Variants in OR1B1 observed in about 807,000 individuals in gnomAD.
OR1B1 encodes the protein olfactory receptor family 1 subfamily B member 1.
For synonymous variants in OR1B1, 168 were observed against 156.2 expected (o/e 1.08, Z -0.57); for missense variants, 414 against 402.1 (o/e 1.03, Z -0.25).
the OR1B1 span, among the ~76,000 whole-genome samples, chr9:122,650,205 C>A: frequency 2.6e-5 from 4 of 151,948 alleles, no homozygotes; most frequent in Non-Finnish European, 5.9e-5. Context: ...ACAAGGAGAA[C>A]AAATGAACAT....
chr9:122,648,057 T>TA, the OR1B1 span, among the ~76,000 whole-genome samples: 8 of 151,762 alleles, frequency 5.3e-5, no homozygotes, highest in Admixed American at 3.9e-4. Flanking sequence ...TATTATTCCT[T>TA]AAAAAAAATA....
At chr9:122,652,392 A>T in the OR1B1 span, among the ~76,000 whole-genome samples, 1 of 152,222 alleles carries the variant, frequency 6.6e-6, no homozygotes, top group African/African-American at 2.4e-5. Flanking sequence ...ATTTGTGTGC[A>T]TTATAGTATC....
At chr9:122,650,943 T>G in the OR1B1 span, among the ~76,000 whole-genome samples, 2 of 151,894 alleles carry the variant, frequency 1.3e-5, no homozygotes, top group African/African-American at 4.8e-5. Flanking sequence ...GAGAATGGCG[T>G]GAACCCGGGA....
chr9:122,629,418 T>C, exon 1 of OR1B1: 4 of 1,613,752 alleles, frequency 2.5e-6, no homozygotes, highest in Non-Finnish European at 1.7e-6. Context: ...CCCAGTATGG[T>C]GGTCAGGTAA....
upstream of OR1B1, among the ~76,000 whole-genome samples, chr9:122,631,406 T>C (rs1830202145): frequency 6.6e-6 from 1 of 152,024 alleles, no homozygotes; most frequent in Admixed American, 6.6e-5. Context: ...CTCGATCTCC[T>C]GACCTCGTGA....
At chr9:122,629,430 T>C in exon 1 of OR1B1, 1 of 1,613,650 alleles carries the variant, frequency 6.2e-7, no homozygotes, top group Non-Finnish European at 8.5e-7. Context: ...GTCAGGTAAA[T>C]AGCCAGGAAC....
the OR1B1 span, among the ~76,000 whole-genome samples, chr9:122,655,539 G>A: frequency 6.6e-6 from 1 of 152,128 alleles, no homozygotes; most frequent in Non-Finnish European, 1.5e-5. Flanking sequence ...GTCCTTTGTA[G>A]GGACATGGAT....
chr9:122,645,475 C>T, the OR1B1 span, among the ~76,000 whole-genome samples: 1 of 151,852 alleles, frequency 6.6e-6, no homozygotes, highest in African/African-American at 2.4e-5. Context: ...AGAAGACTCC[C>T]CCAAGGCATT....
At chr9:122,634,637 C>A in the OR1B1 span, among the ~76,000 whole-genome samples, 1 of 152,066 alleles carries the variant, frequency 6.6e-6, no homozygotes, top group African/African-American at 2.4e-5. Flanking sequence ...CAATCACCTC[C>A]CACCAGGTCC....
chr9:122,651,099 C>A, the OR1B1 span, among the ~76,000 whole-genome samples: 5 of 151,846 alleles, frequency 3.3e-5, no homozygotes, highest in African/African-American at 1.2e-4. Context: ...ATCTGATGAA[C>A]ATTTTAGGTT....
the OR1B1 span, among the ~76,000 whole-genome samples, chr9:122,650,643 A>C: frequency 1.3e-5 from 2 of 152,078 alleles, no homozygotes; most frequent in African/African-American, 2.4e-5. Flanking sequence ...TATATGATTT[A>C]CTTACCATGG....
chr9:122,631,823 AG>A (rs1375746631), upstream of OR1B1, among the ~76,000 whole-genome samples: 1 of 152,214 alleles, frequency 6.6e-6, no homozygotes, highest in Non-Finnish European at 1.5e-5. Context: ...ACACCCACAC[AG>A]GGTATGTGAG....
At chr9:122,628,811 C>T (rs759389860) in exon 1 of OR1B1, 7 of 1,614,040 alleles carry the variant, frequency 4.3e-6, no homozygotes, top group South Asian at 3.3e-5. Context: ...GGAGACTGCT[C>T]GGCGGCGACC....
upstream of OR1B1, among the ~76,000 whole-genome samples, chr9:122,633,596 C>T (rs796452939): frequency 2.0e-5 from 3 of 152,060 alleles, no homozygotes; most frequent in Non-Finnish European, 4.4e-5. Context: ...AACTTATACT[C>T]AATAGCAAAA....
At chr9:122,653,601 G>C in the OR1B1 span, among the ~76,000 whole-genome samples, 1 of 152,104 alleles carries the variant, frequency 6.6e-6, no homozygotes, top group Non-Finnish European at 1.5e-5. Flanking sequence ...AGAAAGATGA[G>C]TTCCTCATCT....
chr9:122,641,767 A>C, the OR1B1 span, among the ~76,000 whole-genome samples: 2 of 152,220 alleles, frequency 1.3e-5, no homozygotes, highest in South Asian at 4.1e-4. Flanking sequence ...CAAAAATATA[A>C]GTATGTGAGA....
the OR1B1 span, among the ~76,000 whole-genome samples, chr9:122,652,860 T>C: frequency 6.6e-6 from 1 of 152,182 alleles, no homozygotes; most frequent in Non-Finnish European, 1.5e-5. Flanking sequence ...ATCTCTTGGT[T>C]CTTCAACTTG....
chr9:122,657,082 G>C, the OR1B1 span, among the ~76,000 whole-genome samples: 2 of 151,706 alleles, frequency 1.3e-5, no homozygotes, highest in Non-Finnish European at 2.9e-5. Flanking sequence ...TCTTTCTCAG[G>C]TTATTCCAAA....
At chr9:122,628,205 A>G (rs1387909731), downstream of OR1B1, among the ~76,000 whole-genome samples, 1 of 151,986 alleles carries the variant, frequency 6.6e-6, no homozygotes, top group Non-Finnish European at 1.5e-5. Context: ...ACACACACCA[A>G]CCTAAATGTG....
Sources: gnomAD v4.1 joint callset for allele counts (sites outside exome capture counted in the v4.1 genomes callset) on GRCh38, gnomAD v4.1.1 for gene constraint, MANE v1.5 for transcripts, NCBI Gene and HGNC (gene_info 2026-07-23, HGNC 2026-07-21) for gene names.